The following CTNNA3 variants were observed in gnomAD, a reference collection of about 807,000 sequenced individuals.
The protein encoded by CTNNA3 is catenin alpha 3, also known as catenin alpha-3.
A neutral mutation model predicts 95.7 loss-of-function variants in CTNNA3; 76 were observed. The observed-to-expected ratio is 0.79, with a 90% CI of 0.66 to 0.96. The LOEUF (loss-of-function observed/expected upper bound fraction) is 0.96, where lower values mean the gene tolerates loss of function less well. CTNNA3 is among the 40% of genes least tolerant of loss of function. CTNNA3 has a pLI of 0.00. For synonymous variants in CTNNA3, 431 were observed against 374.4 expected (o/e 1.15, Z -1.74); for missense variants, 1,191 against 1,089.8 (o/e 1.09, Z -1.31).
intron 11 of CTNNA3, among the ~76,000 whole-genome samples, chr10:66,442,887 CA>C (rs2093385858): frequency 6.6e-6 from 1 of 152,188 alleles, no homozygotes; most frequent in African/African-American, 2.4e-5. Context: ...CGCAAGGGGT[CA>C]GGGGGTTCCC....
chr10:67,607,975 T>G (rs1843337575), intron 2 of CTNNA3, among the ~76,000 whole-genome samples: 1 of 152,194 alleles, frequency 6.6e-6, no homozygotes, highest in Non-Finnish European at 1.5e-5. Flanking sequence ...ATAAACAAAT[T>G]TAAAAATGTA....
chr10:67,227,153 G>A (rs547481985), intron 5 of CTNNA3, among the ~76,000 whole-genome samples: 33 of 150,048 alleles, frequency 2.2e-4, no homozygotes, highest in Non-Finnish European at 3.5e-4. Context: ...GTGCAATGGC[G>A]CAATCTCAGC....
intron 9 of CTNNA3, among the ~76,000 whole-genome samples, chr10:66,688,715 T>C (rs1194002116): frequency 6.6e-6 from 1 of 152,080 alleles, no homozygotes; most frequent in Non-Finnish European, 1.5e-5. Context: ...CTCACGCCTG[T>C]AATCCCAGCA....
At chr10:66,845,710 A>ATAAATAAATAAATT (rs1248827088) in intron 7 of CTNNA3, among the ~76,000 whole-genome samples, 1 of 85,970 alleles carries the variant, frequency 1.2e-5, no homozygotes, top group Non-Finnish European at 2.1e-5. Context: ...TCTCAAAAAA[A>ATAAATAAATAAATT]AAAAAAAAAA....
chr10:67,452,942 G>C (rs1426977604), intron 5 of CTNNA3, among the ~76,000 whole-genome samples: 1 of 152,174 alleles, frequency 6.6e-6, no homozygotes, highest in Non-Finnish European at 1.5e-5. Context: ...AAAAGGAACT[G>C]GTGAACACAA....
chr10:66,054,329 T>C (rs757239016), intron 15 of CTNNA3, among the ~76,000 whole-genome samples: 8 of 152,184 alleles, frequency 5.3e-5, no homozygotes, highest in Non-Finnish European at 7.4e-5. Context: ...GCTGCACTAA[T>C]TTGTATTCAC....
At chr10:67,159,358 G>A (rs1388457764) in intron 7 of CTNNA3, among the ~76,000 whole-genome samples, 1 of 152,164 alleles carries the variant, frequency 6.6e-6, no homozygotes, top group Non-Finnish European at 1.5e-5. Flanking sequence ...ATAACTCAGT[G>A]TCTGAGAGGT....
chr10:66,900,043 C>T (rs1182018789), intron 7 of CTNNA3, among the ~76,000 whole-genome samples: 1 of 152,144 alleles, frequency 6.6e-6, no homozygotes. Flanking sequence ...CAGACGGCCC[C>T]CTCAAGTGGA....
chr10:66,129,680 TG>T (rs1358789178), intron 13 of CTNNA3, among the ~76,000 whole-genome samples: 1 of 151,978 alleles, frequency 6.6e-6, no homozygotes, highest in African/African-American at 2.4e-5. Flanking sequence ...CAGGTACCTG[TG>T]GGTGTCTGCA....
At chr10:66,946,791 A>C (rs1848295421) in intron 7 of CTNNA3, among the ~76,000 whole-genome samples, 1 of 152,008 alleles carries the variant, frequency 6.6e-6, no homozygotes, top group African/African-American at 2.4e-5. Context: ...ACATAGAATT[A>C]ATCCCCCTCT....
chr10:66,046,340 G>A (rs1304402814), intron 15 of CTNNA3, among the ~76,000 whole-genome samples: 2 of 152,130 alleles, frequency 1.3e-5, no homozygotes, highest in East Asian at 1.9e-4. Flanking sequence ...CAGCTGCTCA[G>A]CCATATGTGG....
chr10:67,721,541 C>A (rs1247430651), intron 1 of CTNNA3, among the ~76,000 whole-genome samples: 1 of 152,088 alleles, frequency 6.6e-6, no homozygotes, highest in African/African-American at 2.4e-5. Context: ...ACTGCTTATT[C>A]TAGTTAGCAA....
At chr10:66,108,462 C>G (rs1179346546) in intron 13 of CTNNA3, among the ~76,000 whole-genome samples, 1 of 152,164 alleles carries the variant, frequency 6.6e-6, no homozygotes, top group Non-Finnish European at 1.5e-5. Context: ...AGCTCAGATG[C>G]TCTCTACTCA....
chr10:67,614,303 C>T (rs918664085), intron 2 of CTNNA3, among the ~76,000 whole-genome samples: 2 of 152,134 alleles, frequency 1.3e-5, no homozygotes, highest in Admixed American at 6.5e-5. Context: ...GCTGGCTTCA[C>T]CTCTCAGTTT....
At chr10:66,691,861 T>A (rs1847555311) in intron 9 of CTNNA3, among the ~76,000 whole-genome samples, 2 of 152,032 alleles carry the variant, frequency 1.3e-5, no homozygotes, top group Non-Finnish European at 2.9e-5. Context: ...GGGTCTGGAG[T>A]GGACCTCTAG....
intron 9 of CTNNA3, among the ~76,000 whole-genome samples, chr10:66,641,452 C>T (rs1316565559): frequency 2.6e-5 from 4 of 152,092 alleles, no homozygotes; most frequent in African/African-American, 9.7e-5. Context: ...TCCTAACCCA[C>T]AGAAACTATA....
At chr10:67,523,262 A>T (rs1383426828) in intron 4 of CTNNA3, among the ~76,000 whole-genome samples, 1 of 152,196 alleles carries the variant, frequency 6.6e-6, no homozygotes, top group African/African-American at 2.4e-5. Flanking sequence ...AATATAAAAG[A>T]CATTTCCTGC....
chr10:66,055,016 A>C (rs1432249002), intron 15 of CTNNA3, among the ~76,000 whole-genome samples: 2 of 152,194 alleles, frequency 1.3e-5, no homozygotes, highest in Non-Finnish European at 2.9e-5. Context: ...ATTTTTATCC[A>C]AAATGAGTTG....
chr10:66,872,808 A>G (rs939700931), intron 7 of CTNNA3, among the ~76,000 whole-genome samples: 3 of 152,078 alleles, frequency 2.0e-5, no homozygotes, highest in Non-Finnish European at 4.4e-5. Context: ...CAGTGAGCAT[A>G]GTCCCCATAG....
Sources: gnomAD v4.1 joint callset for allele counts (sites outside exome capture counted in the v4.1 genomes callset) on GRCh38, gnomAD v4.1.1 for gene constraint, MANE v1.5 for transcripts, NCBI Gene and HGNC (gene_info 2026-07-23, HGNC 2026-07-21) for gene names.